The following MALRD1 variants were observed in gnomAD, a reference collection of about 807,000 sequenced individuals.
MALRD1 encodes the protein MAM and LDL-receptor class A domain-containing protein 1.
A neutral mutation model predicts 242.1 loss-of-function variants in MALRD1; 247 were observed. The observed-to-expected ratio is 1.02, with a 90% confidence interval of 0.92 to 1.13. The LOEUF is 1.13. MALRD1 is among the 50% of genes most tolerant of loss of function. MALRD1 has a pLI of 0.00. For missense variants in MALRD1, 2,989 were observed against 2,533.1 expected (o/e 1.18, Z -3.86); for synonymous variants, 995 against 866.6 (o/e 1.15, Z -2.60).
At chr10:19,282,248 C>G (rs1446213835) in intron 20 of MALRD1, among the ~76,000 whole-genome samples, 4 of 152,156 alleles carry the variant, frequency 2.6e-5, no homozygotes, top group Non-Finnish European at 4.4e-5. Flanking sequence ...GCCTGAATGT[C>G]ATGACTGAAA....
At chr10:19,567,819 C>A in intron 33 of MALRD1, 116 bp downstream of exon 33, 1 of 915,184 alleles carries the variant, frequency 1.1e-6, no homozygotes, top group South Asian at 1.7e-5. Flanking sequence ...TCTATTTACA[C>A]ATGGAAAAGA....
At chr10:19,514,525 G>A (rs2131298379) in intron 31 of MALRD1, among the ~76,000 whole-genome samples, 1 of 152,226 alleles carries the variant, frequency 6.6e-6, no homozygotes, top group South Asian at 2.1e-4. Context: ...ATTTTGGGAA[G>A]TCTTGAAAAA....
chr10:19,242,047 A>G (rs1179490919), intron 18 of MALRD1, among the ~76,000 whole-genome samples: 1 of 152,114 alleles, frequency 6.6e-6, no homozygotes, highest in Non-Finnish European at 1.5e-5. Context: ...TGGATGATGT[A>G]TTAGTCTGTT....
chr10:19,546,602 CT>C (rs768365168), intron 32 of MALRD1, among the ~76,000 whole-genome samples: 4 of 152,186 alleles, frequency 2.6e-5, no homozygotes, highest in Non-Finnish European at 5.9e-5. Context: ...GTCTTTGTCC[CT>C]TTGAGTTATT....
At chr10:19,124,013 C>T (rs1801195308) in intron 6 of MALRD1, among the ~76,000 whole-genome samples, 1 of 146,874 alleles carries the variant, frequency 6.8e-6, no homozygotes, top group Admixed American at 6.9e-5. Flanking sequence ...CAAAATTAGC[C>T]TGGGCAATAT....
At position 19,124,935 on chromosome 10, in the gene MALRD1, CTTTTTTTTTTTTT is replaced by C. The variant is rs1173453764; in HGVS notation, c.943+281_943+293del. 2.9e-4 allele frequency among the ~76,000 whole-genome samples: 15 copies of C among 52,596 alleles called. No individual in the cohort carries two copies. In the South Asian group the frequency reaches 6.9e-3, roughly 24 times the overall value. 34.5% of individuals were successfully genotyped at this position (52,596 alleles called of 152,430 possible). A position where few individuals can be genotyped will look rare whatever the true frequency, so the allele number is the denominator to read the frequency against. On this transcript the variant is annotated intron_variant, in intron 7 of 39. Transcript: ENST00000454679. ...CGTGTGAACAAAAAGTATTAAAAGG[CTTTTTTTTTTTTT>C]TTTTTTTTTTTTTTTGAGACAGAGT...
chr10:19,105,851 G>T (rs1224544557), intron 5 of MALRD1, among the ~76,000 whole-genome samples: 2 of 151,824 alleles, frequency 1.3e-5, no homozygotes, highest in Non-Finnish European at 2.9e-5. Context: ...GAGGTTTTGT[G>T]TCCACTTTCA....
intron 32 of MALRD1, among the ~76,000 whole-genome samples, chr10:19,548,583 G>C (rs1242404290): frequency 2.0e-5 from 3 of 151,962 alleles, no homozygotes; most frequent in Admixed American, 1.3e-4. Context: ...TATTTCTTAT[G>C]GTGATCTGTG....
intron 33 of MALRD1, among the ~76,000 whole-genome samples, chr10:19,591,618 C>T (rs1008313215): frequency 6.6e-6 from 1 of 151,732 alleles, no homozygotes; most frequent in African/African-American, 2.4e-5. Context: ...CTTGCCTTAG[C>T]CTACTGAGTT....
At chr10:19,433,271 G>T (rs951279483) in intron 28 of MALRD1, among the ~76,000 whole-genome samples, 3 of 151,986 alleles carry the variant, frequency 2.0e-5, no homozygotes, top group Non-Finnish European at 2.9e-5. Context: ...CTCCCATGAG[G>T]ACGTGATTCC....
At chr10:19,338,637 T>C (rs1316864834) in intron 24 of MALRD1, among the ~76,000 whole-genome samples, 1 of 151,980 alleles carries the variant, frequency 6.6e-6, no homozygotes, top group African/African-American at 2.4e-5. Context: ...ATAGTAGGTG[T>C]ATATATTTAT....
chr10:19,236,803 C>A (rs1334898378), intron 18 of MALRD1, among the ~76,000 whole-genome samples: 1 of 151,958 alleles, frequency 6.6e-6, no homozygotes, highest in Non-Finnish European at 1.5e-5. Flanking sequence ...TAAGAATATA[C>A]CTAAGAGCAT....
At chr10:19,240,440 A>C in intron 18 of MALRD1, among the ~76,000 whole-genome samples, 1 of 152,058 alleles carries the variant, frequency 6.6e-6, no homozygotes, top group South Asian at 2.1e-4. Flanking sequence ...TTAAAGAGAG[A>C]GAGATCATAT....
At chr10:19,268,202 T>C (rs1043083345) in intron 19 of MALRD1, among the ~76,000 whole-genome samples, 2 of 151,812 alleles carry the variant, frequency 1.3e-5, no homozygotes, top group Admixed American at 6.6e-5. Context: ...ATCTTTGTTA[T>C]AAAGCAAAAG....
chr10:19,574,054 T>C (rs563023351), intron 33 of MALRD1, among the ~76,000 whole-genome samples: 1 of 152,144 alleles, frequency 6.6e-6, no homozygotes, highest in Admixed American at 6.5e-5. Flanking sequence ...AATAGCAAGG[T>C]GCCAAACAAA....
chr10:19,385,591 T>C (rs555621661), intron 26 of MALRD1, among the ~76,000 whole-genome samples: 1 of 152,226 alleles, frequency 6.6e-6, no homozygotes, highest in South Asian at 2.1e-4. Flanking sequence ...TATTAACTCC[T>C]CCTTTAATTT....
chr10:19,400,630 TAAA>T (rs997702252), intron 28 of MALRD1, among the ~76,000 whole-genome samples: 1 of 152,184 alleles, frequency 6.6e-6, no homozygotes, highest in South Asian at 2.1e-4. Flanking sequence ...TTATAAGAAT[TAAA>T]AAGCTACTGA....
At chr10:19,613,155 G>A (rs1028551468) in intron 35 of MALRD1, among the ~76,000 whole-genome samples, 2 of 151,904 alleles carry the variant, frequency 1.3e-5, no homozygotes, top group African/African-American at 4.8e-5. Flanking sequence ...TGTACCAGAA[G>A]CAATGATGTC....
chr10:19,591,747 C>G (rs549611847), intron 33 of MALRD1, among the ~76,000 whole-genome samples: 2 of 152,276 alleles, frequency 1.3e-5, no homozygotes, highest in African/African-American at 4.8e-5. Context: ...ATCTGCCCAC[C>G]TCAGCCTCCC....
Sources: gnomAD v4.1 joint callset for allele counts (sites outside exome capture counted in the v4.1 genomes callset) on GRCh38, gnomAD v4.1.1 for gene constraint, MANE v1.5 for transcripts, NCBI Gene and HGNC (gene_info 2026-07-23, HGNC 2026-07-21) for gene names.